G3BP2: variants seen among roughly 807,000 people sequenced by gnomAD.
G3BP2 encodes the protein G3BP stress granule assembly factor 2.
Under a neutral mutation model 56.7 loss-of-function variants are expected in G3BP2, and 11 were observed. The ratio of observed to expected loss-of-function variants is 0.19; its 90% CI spans 0.12 to 0.32. G3BP2 has a LOEUF of 0.32. Among genes scored for constraint, G3BP2 ranks in the 10% least tolerant of loss-of-function variants. The probability of loss-of-function intolerance (pLI) is 1.00; values close to 1 mark genes in which losing one functional copy is unlikely to be tolerated. For synonymous variants in G3BP2, 165 were observed against 191.6 expected, an observed-to-expected ratio of 0.86 and a Z score of 1.15; for missense variants, 340 against 610.9, an observed-to-expected ratio of 0.56 and a Z score of 4.67.
At chr4:75,661,750 A>G (rs1732583127) in intron 2 of G3BP2, 181 bp downstream of exon 2, 2 of 556,858 alleles carry the variant, frequency 3.6e-6, no homozygotes, top group Admixed American at 6.6e-5. Context: ...AAATGTTTTT[A>G]TTACTGTGAG....
intron 4 of G3BP2, among the ~76,000 whole-genome samples, 175 bp from the exon 5 acceptor site, chr4:75,657,189 A>C (rs1232412024): frequency 1.3e-5 from 2 of 152,244 alleles, no homozygotes; most frequent in Non-Finnish European, 2.9e-5. Flanking sequence ...CACTCAAAAA[A>C]ACATAATAGC....
upstream of G3BP2, among the ~76,000 whole-genome samples, chr4:75,674,677 A>G (rs1393339312): frequency 1.6e-5 from 2 of 123,786 alleles, no homozygotes; most frequent in East Asian, 5.7e-4. Context: ...CCTATGAGCT[A>G]GTTGCTATAT....
chr4:75,653,595 A>C (rs915361545), intron 8 of G3BP2, among the ~76,000 whole-genome samples: 2 of 150,990 alleles, frequency 1.3e-5, no homozygotes, highest in African/African-American at 4.9e-5. Flanking sequence ...GCTTTAAAAA[A>C]AAAAAAAAAA....
At chr4:75,694,729 A>G in intron 3 of G3BP2, 1 of 982,572 alleles carries the variant, frequency 1.0e-6, no homozygotes, top group South Asian at 4.6e-5. Flanking sequence ...CAAGAGCGAG[A>G]CTCTGTCTCG....
chr4:75,680,985 TAA>T (rs60301812), intron 3 of G3BP2, among the ~76,000 whole-genome samples: 1 of 142,266 alleles, frequency 7.0e-6, no homozygotes, highest in African/African-American at 2.6e-5. Context: ...AATAAAAAAT[TAA>T]AAAAAAAAAA....
intron 1 of G3BP2, among the ~76,000 whole-genome samples, chr4:75,667,880 ACT>A (rs1175140929): frequency 2.0e-5 from 3 of 152,106 alleles, no homozygotes; most frequent in Admixed American, 6.6e-5. Flanking sequence ...CAAGAGCGAA[ACT>A]CTGTCTCAAA....
At chr4:75,647,413 ATAT>A (rs1731313459) in intron 9 of G3BP2, among the ~76,000 whole-genome samples, 1 of 152,242 alleles carries the variant, frequency 6.6e-6, no homozygotes. Flanking sequence ...CAAAAATCAA[ATAT>A]TAGTACTACA....
intron 1 of G3BP2, among the ~76,000 whole-genome samples, chr4:75,671,785 T>G (rs1240710727): frequency 6.6e-6 from 1 of 152,224 alleles, no homozygotes; most frequent in Non-Finnish European, 1.5e-5. Context: ...AAAGGATAAT[T>G]CAATCCTGAG....
intron 3 of G3BP2, among the ~76,000 whole-genome samples, chr4:75,658,284 G>A (rs1229334006): frequency 1.3e-5 from 2 of 152,086 alleles, no homozygotes; most frequent in African/African-American, 2.4e-5. Context: ...TGTAGCCATC[G>A]TAATATAACA....
intron 3 of G3BP2, among the ~76,000 whole-genome samples, chr4:75,707,627 T>C (rs1173531996): frequency 6.7e-6 from 1 of 148,572 alleles, no homozygotes; most frequent in South Asian, 2.1e-4. Flanking sequence ...AAAAGACAAT[T>C]ATCAGTTTTT....
chr4:75,661,151 C>T (rs919326846), intron 2 of G3BP2, among the ~76,000 whole-genome samples: 10 of 152,126 alleles, frequency 6.6e-5, no homozygotes, highest in Non-Finnish European at 1.3e-4. Flanking sequence ...TCTTTTGAGA[C>T]GAAGCCTCAC....
Position 75,644,350 on chromosome 4 carries a change from T to A in G3BP2, c.*1080A>T, listed in dbSNP as rs912149200. 1 of 152,458 alleles carries A rather than the reference T, an allele frequency of 6.6e-6. No individual in the cohort carries two copies. The highest frequency in any genetic ancestry group is 1.5e-5 in the Non-Finnish European group (1 of 67,984). The allele number at this position is 152,458 out of a possible 1,614,324, so 9.4% of individuals were successfully genotyped here. ...CCTCCCTCCCACAGAGAACACAAAG[T>A]TGTTAACTGAAGAACAAGATAAATA... On this transcript the variant is annotated 3_prime_UTR_variant, in exon 12 of 12. Coordinates refer to ENST00000359707, the MANE Select transcript of G3BP2 (RefSeq NM_203505.3).
intron 3 of G3BP2, among the ~76,000 whole-genome samples, chr4:75,708,013 A>C (rs776576592): frequency 4.6e-5 from 7 of 152,170 alleles, no homozygotes; most frequent in Non-Finnish European, 1.0e-4. Flanking sequence ...TCTATAACCA[A>C]CTATGTGCAT....
chr4:75,715,953 T>G (rs967922475), intron 3 of G3BP2, among the ~76,000 whole-genome samples: 1 of 152,194 alleles, frequency 6.6e-6, no homozygotes, highest in African/African-American at 2.4e-5. Flanking sequence ...CACCCTCACA[T>G]GAAGGAGACC....
At chr4:75,645,788 A>C in intron 11 of G3BP2, 86 bp from the exon 12 acceptor site, 1 of 1,244,164 alleles carries the variant, frequency 8.0e-7, no homozygotes, top group Non-Finnish European at 1.1e-6. Context: ...TCAGATAAGC[A>C]TAAGGAATAA....
intron 3 of G3BP2, among the ~76,000 whole-genome samples, chr4:75,683,865 T>G (rs1188072158): frequency 1.3e-5 from 2 of 151,936 alleles, no homozygotes; most frequent in Non-Finnish European, 1.5e-5. Flanking sequence ...GGTGGTGACA[T>G]GAAAAGGGAA....
intron 3 of G3BP2, among the ~76,000 whole-genome samples, chr4:75,690,056 ATATGT>A (rs964323040): frequency 2.6e-5 from 4 of 152,136 alleles, no homozygotes; most frequent in Admixed American, 6.6e-5. Context: ...TTTTCTGTAA[ATATGT>A]TATATTTCAG....
intron 2 of G3BP2, among the ~76,000 whole-genome samples, chr4:75,659,269 T>C (rs748574690): frequency 6.6e-6 from 1 of 152,216 alleles, no homozygotes; most frequent in East Asian, 1.9e-4. Context: ...ATACAGATGC[T>C]ATAGTAATTG....
At chr4:75,719,986 C>T (rs1419159908) in intron 3 of G3BP2, among the ~76,000 whole-genome samples, 1 of 148,460 alleles carries the variant, frequency 6.7e-6, no homozygotes, top group Admixed American at 6.8e-5. Flanking sequence ...ACAAATGAAA[C>T]CAATCAAATG....
Sources: allele counts gnomAD v4.1 joint callset (sites outside exome capture counted in the v4.1 genomes callset), GRCh38; gene constraint gnomAD v4.1.1; transcripts MANE v1.5; gene names NCBI Gene and HGNC (gene_info 2026-07-23, HGNC 2026-07-21).